LSAMP: variants seen among roughly 807,000 people sequenced by gnomAD.
The protein encoded by LSAMP is limbic system-associated membrane protein.
A neutral mutation model predicts 38.6 loss-of-function variants in LSAMP; 7 were observed. That is an observed-to-expected ratio of 0.18 (90% CI 0.10 to 0.34). The LOEUF is 0.34. Ranked by LOEUF, LSAMP falls within the 10% of genes least tolerant of loss-of-function variation. The pLI is 1.00. For missense variants in LSAMP, 313 were observed against 420.0 expected, an observed-to-expected ratio of 0.75 and a Z score of 2.23; for synonymous variants, 154 against 166.8, an observed-to-expected ratio of 0.92 and a Z score of 0.59.
At chr3:116,357,022 T>C (rs2048234553) in intron 1 of LSAMP, among the ~76,000 whole-genome samples, 1 of 152,144 alleles carries the variant, frequency 6.6e-6, no homozygotes, top group Admixed American at 6.5e-5. Flanking sequence ...CTCGATCTCC[T>C]GACCTCGTGA....
At chr3:116,422,584 G>A (rs1401458362) in intron 1 of LSAMP, among the ~76,000 whole-genome samples, 2 of 152,126 alleles carry the variant, frequency 1.3e-5, no homozygotes, top group African/African-American at 4.8e-5. Context: ...CCCAGAGTCT[G>A]GAGTACAAAT....
At position 115,803,905 on chromosome 3, in the gene LSAMP, C is replaced by G. The variant is rs888718478; in HGVS notation, c.*6412G>C. On this transcript the variant is annotated 3_prime_UTR_variant, in exon 7 of 7. Transcript: ENST00000490035. ...GTACTTGGCCCAGGATGACAGAAAA[C>G]TAATGTTTCCTTTCTTATGCACAAT... The G allele has an allele frequency of 2.0e-5, 3 of 152,174 alleles. No homozygotes were observed. The highest frequency in any genetic ancestry group is 4.4e-5 in the Non-Finnish European group (3 of 68,034). 9.4% of individuals were successfully genotyped at this position (152,174 alleles called of 1,614,324 possible). A position where few individuals can be genotyped will look rare whatever the true frequency, so the allele number is the denominator to read the frequency against.
chr3:115,924,902 G>A (rs116523618), intron 3 of LSAMP, among the ~76,000 whole-genome samples: 211 of 152,278 alleles, frequency 1.4e-3, no homozygotes, highest in African/African-American at 4.7e-3. Context: ...GACAGGCCCT[G>A]CTCTGGCCTT....
intron 3 of LSAMP, among the ~76,000 whole-genome samples, chr3:115,871,630 A>T (rs1448033236): frequency 7.2e-6 from 1 of 139,698 alleles, no homozygotes; most frequent in Non-Finnish European, 1.5e-5. Flanking sequence ...AGAGAGACAG[A>T]CAGAGAGACA....
At chr3:116,329,273 G>C (rs1445132755) in intron 1 of LSAMP, among the ~76,000 whole-genome samples, 2 of 152,114 alleles carry the variant, frequency 1.3e-5, no homozygotes, top group Non-Finnish European at 2.9e-5. Context: ...ACAAACTAAA[G>C]CAGAGAGTCA....
chr3:115,961,826 C>T (rs929540610), intron 3 of LSAMP, among the ~76,000 whole-genome samples: 2 of 152,200 alleles, frequency 1.3e-5, no homozygotes, highest in Admixed American at 6.5e-5. Flanking sequence ...ACGCTGACAA[C>T]AATAATCAGC....
At chr3:116,216,981 G>C (rs1247601703) in intron 1 of LSAMP, among the ~76,000 whole-genome samples, 4 of 152,178 alleles carry the variant, frequency 2.6e-5, no homozygotes, top group Non-Finnish European at 4.4e-5. Context: ...AAGTGAGGCT[G>C]TTCTTATTCT....
intron 1 of LSAMP, among the ~76,000 whole-genome samples, chr3:116,331,242 G>T (rs2047848601): frequency 6.6e-6 from 1 of 152,104 alleles, no homozygotes; most frequent in Non-Finnish European, 1.5e-5. Context: ...AAACAGAACA[G>T]AACCCAAATG....
At chr3:116,111,582 T>G (rs554500597) in intron 1 of LSAMP, among the ~76,000 whole-genome samples, 19 of 152,102 alleles carry the variant, frequency 1.2e-4, no homozygotes, top group African/African-American at 4.4e-4. Context: ...GTGATATGGT[T>G]TATCACCTTA....
Position 115,847,784 on chromosome 3 carries a change from A to G in LSAMP, c.649+4699T>C, listed in dbSNP as rs567433951. Reference sequence around the variant, plus strand: ...TCCTGAGGCCTCCCCAGCCATGTGGAACTGTGAGTCAATTAAACCTCTTTC... The same window carrying G: ...TCCTGAGGCCTCCCCAGCCATGTGGGACTGTGAGTCAATTAAACCTCTTTC... On this transcript the variant is annotated intron_variant, in intron 4 of 6. Transcript: ENST00000490035. Among the ~76,000 whole-genome samples the G allele has an allele frequency of 1.4e-4, 22 of 152,284 alleles. No individual in the cohort carries two copies. The South Asian group carries it at 2.7e-3, about 19-fold the overall frequency.
intron 1 of LSAMP, among the ~76,000 whole-genome samples, chr3:116,426,010 A>G (rs1443358315): frequency 6.6e-6 from 1 of 152,192 alleles, no homozygotes; most frequent in Non-Finnish European, 1.5e-5. Flanking sequence ...GGCTGATGCA[A>G]CAAAAACTGG....
chr3:115,991,300 T>C (rs527422400), intron 3 of LSAMP, among the ~76,000 whole-genome samples: 4 of 152,202 alleles, frequency 2.6e-5, no homozygotes, highest in African/African-American at 9.6e-5. Context: ...ACCTACAGTA[T>C]GTAGATTTTA....
intron 3 of LSAMP, among the ~76,000 whole-genome samples, chr3:116,011,013 C>CTTTTTTTTTTCTTTT (rs1169726977): frequency 6.6e-6 from 1 of 150,482 alleles, no homozygotes; most frequent in African/African-American, 2.5e-5. Flanking sequence ...ATAGTTTATG[C>CTTTTTTTTTTCTTTT]TTTTTTTTGA....
At chr3:115,823,292 A>G (rs1382813403) in intron 6 of LSAMP, among the ~76,000 whole-genome samples, 2 of 152,362 alleles carry the variant, frequency 1.3e-5, no homozygotes, top group Admixed American at 1.3e-4. Context: ...GGGTGTGCAC[A>G]TCACTGTGGA....
At chr3:115,889,372 G>A (rs1326051512) in intron 3 of LSAMP, among the ~76,000 whole-genome samples, 2 of 151,932 alleles carry the variant, frequency 1.3e-5, no homozygotes, top group South Asian at 4.1e-4. Context: ...GTTTGCCTGT[G>A]TGTGTGCAGG....
intron 1 of LSAMP, among the ~76,000 whole-genome samples, chr3:116,391,459 C>A (rs1014910604): frequency 2.0e-5 from 3 of 152,298 alleles, no homozygotes; most frequent in Non-Finnish European, 4.4e-5. Flanking sequence ...GGGAAGGAGG[C>A]GGACAGTCTT....
chr3:116,107,649 G>A (rs1473067412), intron 1 of LSAMP, among the ~76,000 whole-genome samples: 1 of 152,200 alleles, frequency 6.6e-6, no homozygotes, highest in African/African-American at 2.4e-5. Flanking sequence ...TGAAATTTGG[G>A]CTTGACTGAA....
intron 1 of LSAMP, among the ~76,000 whole-genome samples, chr3:116,184,936 A>G (rs1710575299): frequency 6.6e-6 from 1 of 151,522 alleles, no homozygotes; most frequent in Non-Finnish European, 1.5e-5. Context: ...TTTGATTCTC[A>G]GAATACATAT....
At chr3:116,302,946 CT>C (rs769102937) in intron 1 of LSAMP, among the ~76,000 whole-genome samples, 68 of 152,270 alleles carry the variant, frequency 4.5e-4, no homozygotes, top group Middle Eastern at 6.8e-3. Context: ...AAATATATCC[CT>C]TTTCAAAAAC....
Sources: gnomAD v4.1 joint callset for allele counts (sites outside exome capture counted in the v4.1 genomes callset) on GRCh38, gnomAD v4.1.1 for gene constraint, MANE v1.5 for transcripts, NCBI Gene and HGNC (gene_info 2026-07-23, HGNC 2026-07-21) for gene names.